The following ARHGAP6 variants were observed in gnomAD, a reference collection of about 807,000 sequenced individuals.
The protein encoded by ARHGAP6 is rho GTPase-activating protein 6.
ARHGAP6 carries 16 observed loss-of-function variants against 55.7 expected under a neutral mutation model. The observed-to-expected ratio is 0.29, with a 90% CI of 0.19 to 0.44. The LOEUF is 0.44. Ranked by LOEUF, ARHGAP6 falls within the 20% of genes least tolerant of loss-of-function variation. ARHGAP6 has a pLI of 1.00. For synonymous variants in ARHGAP6, 382 were observed against 360.9 expected, an observed-to-expected ratio of 1.06 and a Z score of -0.66; for missense variants, 698 against 808.9, an observed-to-expected ratio of 0.86 and a Z score of 1.66.
chrX:11,497,076 T>C (rs754510682), intron 1 of ARHGAP6, among the ~76,000 whole-genome samples: 2 of 111,853 alleles, frequency 1.8e-5, no homozygotes, highest in East Asian at 5.6e-4. Flanking sequence ...TTCTTCTGCT[T>C]TGGCTTCAAC....
intron 4 of ARHGAP6, among the ~76,000 whole-genome samples, chrX:11,187,425 C>T (rs1177198883): frequency 1.8e-5 from 2 of 111,448 alleles, no homozygotes; most frequent in Non-Finnish European, 3.8e-5. Context: ...TGCCTGAGTC[C>T]TACATTCCCA....
chrX:11,602,172 AATAT>A (rs768156332), intron 1 of ARHGAP6, among the ~76,000 whole-genome samples: 2 of 111,489 alleles, frequency 1.8e-5, no homozygotes, highest in Non-Finnish European at 3.8e-5. Flanking sequence ...ATGCTTCATA[AATAT>A]ATATATAATT....
intron 1 of ARHGAP6, among the ~76,000 whole-genome samples, chrX:11,545,175 G>A (rs768945962): frequency 8.9e-6 from 1 of 111,884 alleles, no homozygotes; most frequent in Admixed American, 9.5e-5. Context: ...GTGATTCTTG[G>A]CAAGTACAAA....
intron 1 of ARHGAP6, among the ~76,000 whole-genome samples, chrX:11,291,294 C>T (rs1424559820): frequency 9.0e-6 from 1 of 111,500 alleles, no homozygotes; most frequent in Non-Finnish European, 1.9e-5. Flanking sequence ...TCTATGGAAT[C>T]GGCCATCAAA....
intron 1 of ARHGAP6, among the ~76,000 whole-genome samples, chrX:11,365,098 A>G (rs2049059134): frequency 8.9e-6 from 1 of 112,117 alleles, no homozygotes; most frequent in South Asian, 3.7e-4. Flanking sequence ...GCTATGAAAG[A>G]GAAACAAAAA....
intron 1 of ARHGAP6, among the ~76,000 whole-genome samples, chrX:11,379,474 G>A (rs1237015822): frequency 2.7e-5 from 3 of 111,974 alleles, no homozygotes; most frequent in Non-Finnish European, 5.6e-5. Flanking sequence ...AGAAACTACT[G>A]GAACCTTTCA....
At chrX:11,624,192 C>T (rs994218055) in intron 1 of ARHGAP6, among the ~76,000 whole-genome samples, 1 of 112,188 alleles carries the variant, frequency 8.9e-6, no homozygotes, top group African/African-American at 3.2e-5. Context: ...TGAAACTAGA[C>T]CCCTATCTCT....
At chrX:11,266,048 TGTGTGTGTGTGTGTGTGTGTGTGTGA>T in intron 1 of ARHGAP6, 1 of 355,529 alleles carries the variant, frequency 2.8e-6, no homozygotes, top group Non-Finnish European at 3.7e-6. Context: ...TGTGTGTGTG[TGTGTGTGTGTGTGTGTGTGTGTGTGA>T]GAGAGAGAGA....
At chrX:11,338,063 T>C (rs1406630001) in intron 1 of ARHGAP6, among the ~76,000 whole-genome samples, 1 of 111,204 alleles carries the variant, frequency 9.0e-6, no homozygotes, top group Non-Finnish European at 1.9e-5. Flanking sequence ...ATGCCCTCAC[T>C]GCCATGAGAA....
intron 1 of ARHGAP6, among the ~76,000 whole-genome samples, chrX:11,376,101 A>T (rs2147715760): frequency 8.9e-6 from 1 of 112,084 alleles, no homozygotes; most frequent in Non-Finnish European, 1.9e-5. Flanking sequence ...TACAGAAGAG[A>T]GAAAATAACA....
At chrX:11,581,380 C>G (rs2051664214) in intron 1 of ARHGAP6, among the ~76,000 whole-genome samples, 1 of 111,653 alleles carries the variant, frequency 9.0e-6, no homozygotes, top group Admixed American at 9.5e-5. Flanking sequence ...GACAGTTCCT[C>G]AAATGGAATA....
At chrX:11,277,694 G>A (rs1603006156) in intron 1 of ARHGAP6, among the ~76,000 whole-genome samples, 1 of 93,977 alleles carries the variant, frequency 1.1e-5, no homozygotes, top group Admixed American at 1.1e-4. Flanking sequence ...GAGGTTTCTA[G>A]TATTCTTTTT....
chrX:11,608,216 T>C (rs2052058149), intron 1 of ARHGAP6, among the ~76,000 whole-genome samples: 1 of 112,003 alleles, frequency 8.9e-6, no homozygotes. Flanking sequence ...ATGATACTTT[T>C]CCTTCAAGTA....
At chrX:11,234,286 A>G (rs1221383174) in intron 2 of ARHGAP6, among the ~76,000 whole-genome samples, 1 of 112,122 alleles carries the variant, frequency 8.9e-6, no homozygotes, top group Non-Finnish European at 1.9e-5. Context: ...AAAATGTGTT[A>G]CTTCACTAGT....
At chrX:11,273,723 C>T (rs1373227972) in intron 1 of ARHGAP6, among the ~76,000 whole-genome samples, 1 of 110,692 alleles carries the variant, frequency 9.0e-6, no homozygotes, top group Non-Finnish European at 1.9e-5. Context: ...GTAGTCACCA[C>T]AACTACTAAT....
intron 1 of ARHGAP6, among the ~76,000 whole-genome samples, chrX:11,312,813 A>G (rs1290874469): frequency 1.8e-5 from 2 of 110,918 alleles, no homozygotes; most frequent in East Asian, 5.6e-4. Context: ...TCTATTACCA[A>G]CTTCTGTCAA....
intron 1 of ARHGAP6, chrX:11,300,585 G>T (rs769206570): frequency 8.5e-7 from 1 of 1,176,689 alleles, no homozygotes; most frequent in Admixed American, 2.2e-5. Flanking sequence ...TATTTTAACT[G>T]TTCTTTTGCA....
intron 1 of ARHGAP6, among the ~76,000 whole-genome samples, chrX:11,559,771 C>CA (rs1290737515): frequency 2.8e-5 from 3 of 108,201 alleles, no homozygotes; most frequent in East Asian, 2.9e-4. Context: ...ACTAAAAATA[C>CA]AAAAAAAGTA....
In ARHGAP6 at chrX:11,188,660, C is replaced by T. The variant is rs766017694; in HGVS notation, c.1077+68G>A. The stretch of plus-strand genomic sequence containing the variant: ...TATCCAGTTTTCACATGAACAAAAA[C>T]GCAAAGAATAACTGTACATCTTCAG... On this transcript the variant is annotated intron_variant, in intron 4 of 12. Transcript: ENST00000337414. The T allele has an allele frequency of 6.2e-5, 71 of 1,142,752 alleles. No homozygotes were observed. In the African/African-American group the frequency reaches 6.7e-4, roughly 11 times the overall value. The allele number at this position is 1,142,752 out of a possible 1,213,427, so 94.2% of individuals were successfully genotyped here. A position where few individuals can be genotyped will look rare whatever the true frequency, so the allele number is the denominator to read the frequency against.
Sources: allele counts gnomAD v4.1 joint callset (sites outside exome capture counted in the v4.1 genomes callset), GRCh38; gene constraint gnomAD v4.1.1; transcripts MANE v1.5; gene names NCBI Gene and HGNC (gene_info 2026-07-23, HGNC 2026-07-21).